Variants in KIF26B observed in about 807,000 individuals in gnomAD.
The protein encoded by KIF26B is kinesin-like protein KIF26B.
KIF26B carries 63 observed loss-of-function variants against 151.2 expected under a neutral mutation model. The ratio of observed to expected loss-of-function variants is 0.42; its 90% CI spans 0.34 to 0.51. KIF26B has a LOEUF of 0.51. Among genes scored for constraint, KIF26B ranks in the 20% least tolerant of loss-of-function variants. The pLI, the probability that KIF26B is intolerant of heterozygous loss-of-function variation, is 0.07. For synonymous variants in KIF26B, 1,357 were observed against 1,262.1 expected, an observed-to-expected ratio of 1.08 and a Z score of -1.59; for missense variants, 2,813 against 2,913.6, an observed-to-expected ratio of 0.97 and a Z score of 0.79.
intron 4 of KIF26B, among the ~76,000 whole-genome samples, chr1:245,468,413 C>T (rs964974244): frequency 1.3e-5 from 2 of 152,178 alleles, no homozygotes; most frequent in South Asian, 2.1e-4. Flanking sequence ...TCCCTTCACT[C>T]TCATCACAAA....
chr1:245,529,122 C>T (rs9970037), intron 4 of KIF26B, among the ~76,000 whole-genome samples: 10,285 of 152,098 alleles, frequency 0.068, 1,068 homozygotes, highest in African/African-American at 0.22. Flanking sequence ...TCGGAGTCCC[C>T]GTCATACAAA....
chr1:245,338,060 T>C (rs1672269955), intron 2 of KIF26B, among the ~76,000 whole-genome samples: 1 of 152,210 alleles, frequency 6.6e-6, no homozygotes, highest in Non-Finnish European at 1.5e-5. Context: ...CAAACAACTT[T>C]TTGCACTTTA....
At chr1:245,306,838 T>C (rs1671564273) in intron 2 of KIF26B, among the ~76,000 whole-genome samples, 1 of 152,206 alleles carries the variant, frequency 6.6e-6, no homozygotes, top group South Asian at 2.1e-4. Flanking sequence ...GAGAGCTCTT[T>C]AAGGCCGGGA....
chr1:245,259,208 C>T (rs572042066), intron 2 of KIF26B, among the ~76,000 whole-genome samples: 51 of 152,302 alleles, frequency 3.3e-4, no homozygotes, highest in African/African-American at 1.2e-3. Flanking sequence ...CATTTTTGTA[C>T]ATTATTATCT....
chr1:245,303,272 C>G (rs1671469220), intron 2 of KIF26B, among the ~76,000 whole-genome samples: 1 of 146,510 alleles, frequency 6.8e-6, no homozygotes, highest in Non-Finnish European at 1.5e-5. Flanking sequence ...GATCTCGGCT[C>G]ACTGCAAGCT....
intron 4 of KIF26B, among the ~76,000 whole-genome samples, chr1:245,515,843 T>A (rs1244678116): frequency 6.6e-6 from 1 of 152,140 alleles, no homozygotes; most frequent in African/African-American, 2.4e-5. Context: ...TAACTCGGCT[T>A]GTCCCAGGGT....
chr1:245,400,789 T>G (rs1169570142), intron 3 of KIF26B, among the ~76,000 whole-genome samples: 1 of 152,204 alleles, frequency 6.6e-6, no homozygotes, highest in Admixed American at 6.5e-5. Context: ...TGTTTCTTTT[T>G]AATTTTTTGA....
At position 245,642,563 on chromosome 1, in the gene KIF26B, A is replaced by AG. The variant is rs2043904676; in HGVS notation, c.2099-3558_2099-3557insG. 1.3e-4 allele frequency among the ~76,000 whole-genome samples: 4 copies of AG among 31,146 alleles called. No homozygotes were observed. The South Asian group carries it at 3.0e-3, about 24-fold the overall frequency. The allele number at this position is 31,146 out of a possible 152,430, so 20.4% of individuals were successfully genotyped here. ...GGGACAGAGCGAGACTCCGTCTCAGAAAAAAAAAAAAAAAAAAAAAAAAAA... is the reference window on the plus strand; with the variant it reads ...GGGACAGAGCGAGACTCCGTCTCAGAGAAAAAAAAAAAAAAAAAAAAAAAAA... On this transcript the variant is annotated intron_variant, in intron 9 of 14. Transcript: ENST00000407071.
At chr1:245,345,935 CTTT>C (rs773751148) in intron 2 of KIF26B, among the ~76,000 whole-genome samples, 3 of 123,694 alleles carry the variant, frequency 2.4e-5, no homozygotes, top group Non-Finnish European at 1.6e-5. Context: ...TTCTTTCTTT[CTTT>C]TTTTTTTTTT....
intron 4 of KIF26B, among the ~76,000 whole-genome samples, chr1:245,463,574 G>A (rs549521314): frequency 1.2e-4 from 19 of 152,256 alleles, no homozygotes; most frequent in Admixed American, 2.6e-4. Flanking sequence ...GGTCAGCTCC[G>A]CACACACTTC....
intron 2 of KIF26B, among the ~76,000 whole-genome samples, chr1:245,284,717 A>T (rs1454683863): frequency 1.3e-5 from 2 of 152,212 alleles, no homozygotes; most frequent in Non-Finnish European, 2.9e-5. Flanking sequence ...ATGTGGTGTA[A>T]CAAGTCACCA....
Position 245,686,278 on chromosome 1 carries a change from C to A in KIF26B, c.3295C>A (p.Pro1099Thr). 6.2e-7 allele frequency: 1 copy of A among 1,612,976 alleles called. No homozygotes were observed. Residue 1099 changes from proline to threonine, a missense_variant, in exon 12 of 15, where the codon CCG (proline) becomes ACG (threonine). Physicochemically the swap from Pro to Thr is conservative, Grantham distance 38. Coordinates refer to ENST00000407071, the MANE Select transcript of KIF26B (RefSeq NM_018012.4). This position sits in a 1 kb window ranked among gnomAD's most constrained non-coding sequence, Gnocchi z 5.6. Reference protein sequence around the residue: ...CKVYTQKGVLPSPAPLPPSSK... With the variant: ...CKVYTQKGVLTSPAPLPPSSK... ...AGTCTACACCCAGAAGGGGGTCCTG[C>A]CGTCTCCCGCCCCACTGCCTCCCTC...
chr1:245,483,017 G>A (rs374567474), intron 4 of KIF26B, among the ~76,000 whole-genome samples: 15 of 151,730 alleles, frequency 9.9e-5, no homozygotes, highest in African/African-American at 3.4e-4. Context: ...GGAGGCCCAG[G>A]CAGCAGATGC....
At chr1:245,161,372 C>T (rs1052053594) in intron 2 of KIF26B, among the ~76,000 whole-genome samples, 2 of 152,152 alleles carry the variant, frequency 1.3e-5, no homozygotes, top group Non-Finnish European at 2.9e-5. Flanking sequence ...AATCCCTGGC[C>T]TGCAATAATT....
At position 245,358,478 on chromosome 1, in the gene KIF26B, C is replaced by T. The variant is rs1216100473; in HGVS notation, c.466-8356C>T. On this transcript the variant is annotated intron_variant, in intron 2 of 14. Coordinates refer to ENST00000407071, the MANE Select transcript of KIF26B (RefSeq NM_018012.4). This position sits in a 1 kb window ranked among gnomAD's most constrained non-coding sequence, Gnocchi z 4.1. ...GAGCTTGCAGTGAGCCGAGATCGCG[C>T]CACTGTACTCCAGCCTGGGCTACAG... is the stretch of plus-strand genomic sequence containing the variant. Among the ~76,000 whole-genome samples, 6 of 152,164 alleles carry T rather than the reference C, an allele frequency of 3.9e-5. No homozygotes were observed. The highest frequency in any genetic ancestry group is 7.2e-5 in the African/African-American group (3 of 41,444).
At chr1:245,440,037 C>T (rs986325557) in intron 4 of KIF26B, among the ~76,000 whole-genome samples, 4 of 152,016 alleles carry the variant, frequency 2.6e-5, no homozygotes, top group East Asian at 1.9e-4. Context: ...CTGGCTAACA[C>T]GGTGAAACCC....
chr1:245,354,791 C>A (rs1343994380), intron 2 of KIF26B, among the ~76,000 whole-genome samples: 2 of 152,248 alleles, frequency 1.3e-5, no homozygotes, highest in African/African-American at 4.8e-5. Context: ...AGAACACCCA[C>A]CTTGCCCTCC....
At chr1:245,451,270 CAGAT>C (rs1659383765) in intron 4 of KIF26B, among the ~76,000 whole-genome samples, 2 of 151,996 alleles carry the variant, frequency 1.3e-5, no homozygotes, top group South Asian at 4.1e-4. Flanking sequence ...TTTATGTATT[CAGAT>C]AGATAGTGTT....
chr1:245,580,597 G>A (rs1341833974), intron 5 of KIF26B, among the ~76,000 whole-genome samples: 1 of 152,208 alleles, frequency 6.6e-6, no homozygotes, highest in Non-Finnish European at 1.5e-5. Flanking sequence ...CCTCCAGAGG[G>A]CAAGGGGGTT....
Sources: gnomAD v4.1 joint callset for allele counts (sites outside exome capture counted in the v4.1 genomes callset) on GRCh38, gnomAD v4.1.1 for gene constraint, Gnocchi (gnomAD v3.1) non-coding constraint, MANE v1.5 for transcripts, NCBI Gene and HGNC (gene_info 2026-07-23, HGNC 2026-07-21) for gene names.